FGF12: variants seen among roughly 807,000 people sequenced by gnomAD.
The protein encoded by FGF12 is fibroblast growth factor 12.
Under a neutral mutation model 23.6 loss-of-function variants are expected in FGF12, and 14 were observed. That is an observed-to-expected ratio of 0.59 (90% confidence interval 0.39 to 0.93). FGF12 has a LOEUF of 0.93. Among genes scored for constraint, FGF12 ranks in the 40% least tolerant of loss-of-function variants. FGF12 has a pLI of 0.00. For synonymous variants in FGF12, 62 were observed against 77.3 expected (o/e 0.80, Z 1.04); for missense variants, 175 against 217.8 (o/e 0.80, Z 1.24).
chr3:192,144,229 A>G, intron 5 of FGF12, 102 bp from the exon 6 acceptor site: 1 of 671,502 alleles, frequency 1.5e-6, no homozygotes, highest in South Asian at 1.9e-5. Flanking sequence ...TCTCATCACA[A>G]GCTCTTCTTC....
intron 4 of FGF12, among the ~76,000 whole-genome samples, chr3:192,224,773 TG>T (rs1454546821): frequency 6.6e-6 from 1 of 152,160 alleles, no homozygotes; most frequent in Non-Finnish European, 1.5e-5. Flanking sequence ...AACTCGAAAC[TG>T]AATGTTCTCA....
In FGF12 at chr3:192,220,735, A is replaced by G. The variant is rs975660253; in HGVS notation, c.229-50079T>C. On this transcript the variant is annotated intron_variant, in intron 4 of 5. Transcript: ENST00000445105. ...CTGTGCTAAGCTCTATATGACTGGT[A>G]AATATTGGTTCATTGAAAAGAAGCC... Among the ~76,000 whole-genome samples, 6 of 152,328 alleles carry G rather than the reference A, an allele frequency of 3.9e-5. No homozygotes were observed. In the South Asian group the frequency reaches 1.2e-3, roughly 32 times the overall value.
chr3:192,679,608 C>G (rs866909554), intron 2 of FGF12, among the ~76,000 whole-genome samples: 1 of 151,118 alleles, frequency 6.6e-6, no homozygotes, highest in African/African-American at 2.5e-5. Context: ...CCTTTCTCCT[C>G]ACCGTCCCCC....
At chr3:192,357,341 G>A (rs1314844264) in intron 3 of FGF12, among the ~76,000 whole-genome samples, 1 of 143,400 alleles carries the variant, frequency 7.0e-6, no homozygotes, top group East Asian at 2.1e-4. Context: ...AATTAGCTGG[G>A]TGTGGTGGCA....
chr3:192,527,121 G>T (rs1361171681), intron 2 of FGF12, among the ~76,000 whole-genome samples: 1 of 152,116 alleles, frequency 6.6e-6, no homozygotes, highest in African/African-American at 2.4e-5. Flanking sequence ...CATCAGAGTG[G>T]GGCCCTCACA....
chr3:192,324,157 A>T (rs1394458887), intron 4 of FGF12, among the ~76,000 whole-genome samples: 4 of 152,068 alleles, frequency 2.6e-5, no homozygotes, highest in Admixed American at 2.6e-4. Flanking sequence ...TATGCCTACC[A>T]CGTGCCCACA....
At chr3:192,609,683 C>A (rs1209040114) in intron 2 of FGF12, among the ~76,000 whole-genome samples, 2 of 152,070 alleles carry the variant, frequency 1.3e-5, no homozygotes, top group African/African-American at 2.4e-5. Context: ...GTTGTTATGG[C>A]CTCATATGTT....
At chr3:192,410,444 G>A (rs1721162498) in intron 2 of FGF12, among the ~76,000 whole-genome samples, 1 of 152,180 alleles carries the variant, frequency 6.6e-6, no homozygotes, top group Non-Finnish European at 1.5e-5. Flanking sequence ...CACAGTGGGA[G>A]TTAAAGGACC....
Position 192,139,419 on chromosome 3 carries a change from T to C in FGF12, c.*4590A>G, listed in dbSNP as rs1713241621. The C allele has an allele frequency of 1.3e-5, 2 of 152,138 alleles. No homozygotes were observed. Among genetic ancestry groups the C allele is most frequent in the South Asian group, 4.1e-4 (2 of 4,828 alleles). The allele number at this position is 152,138 out of a possible 1,614,324, so 9.4% of individuals were successfully genotyped here. A position where few individuals can be genotyped will look rare whatever the true frequency, so the allele number is the denominator to read the frequency against. ...AATAATCTGTGCTTTAATGGAAAAATGAAACATTAATTTGTTTAGTTTCTC... is the reference window on the plus strand; with the variant it reads ...AATAATCTGTGCTTTAATGGAAAAACGAAACATTAATTTGTTTAGTTTCTC... On this transcript the variant is annotated 3_prime_UTR_variant, in exon 6 of 6. Coordinates refer to ENST00000445105, the MANE Select transcript of FGF12 (RefSeq NM_004113.6).
At chr3:192,558,608 A>AAACAAC (rs746705886) in intron 2 of FGF12, among the ~76,000 whole-genome samples, 1 of 151,516 alleles carries the variant, frequency 6.6e-6, no homozygotes, top group African/African-American at 2.4e-5. Context: ...ACCAAAAAAT[A>AAACAAC]AACAACAACA....
intron 4 of FGF12, among the ~76,000 whole-genome samples, chr3:192,263,549 G>GA (rs35020572): frequency 0.026 from 3,599 of 140,294 alleles, 93 homozygotes; most frequent in African/African-American, 0.07. Context: ...AAAAAAGAGG[G>GA]AAAAAAAAAA....
At chr3:192,670,616 A>G (rs1226861909) in intron 2 of FGF12, among the ~76,000 whole-genome samples, 2 of 152,190 alleles carry the variant, frequency 1.3e-5, no homozygotes, top group Non-Finnish European at 2.9e-5. Context: ...GCCTTTCTAC[A>G]TATAATATGA....
chr3:192,444,666 G>A (rs73889333), intron 2 of FGF12, among the ~76,000 whole-genome samples: 86 of 152,298 alleles, frequency 5.6e-4, no homozygotes, highest in African/African-American at 2.0e-3. Context: ...TGCTTGCTAC[G>A]CACAGGAGGC....
At chr3:192,257,609 A>G (rs1276943806) in intron 4 of FGF12, among the ~76,000 whole-genome samples, 1 of 152,142 alleles carries the variant, frequency 6.6e-6, no homozygotes, top group Non-Finnish European at 1.5e-5. Context: ...CATCTATTTC[A>G]TGAAAAATAT....
intron 2 of FGF12, among the ~76,000 whole-genome samples, chr3:192,379,521 C>T (rs1306691615): frequency 2.0e-5 from 3 of 151,224 alleles, no homozygotes; most frequent in Admixed American, 6.6e-5. Context: ...ACATGAGGGA[C>T]ACTAAAAGAG....
At chr3:192,384,431 G>A (rs571087086) in intron 2 of FGF12, among the ~76,000 whole-genome samples, 7 of 152,302 alleles carry the variant, frequency 4.6e-5, no homozygotes, top group Admixed American at 4.6e-4. Flanking sequence ...ACGAAGGTGA[G>A]AGAGGATGAG....
intron 2 of FGF12, among the ~76,000 whole-genome samples, chr3:192,620,123 C>A (rs1714916269): frequency 6.6e-6 from 1 of 152,124 alleles, no homozygotes; most frequent in Admixed American, 6.5e-5. Flanking sequence ...TGTCAACACT[C>A]CATTTTTGCC....
At chr3:192,272,780 G>A (rs553357816) in intron 4 of FGF12, among the ~76,000 whole-genome samples, 1 of 152,248 alleles carries the variant, frequency 6.6e-6, no homozygotes, top group South Asian at 2.1e-4. Context: ...ACTGATCATA[G>A]CCATTGTAAA....
At chr3:192,649,193 C>G (rs1287408095) in intron 2 of FGF12, among the ~76,000 whole-genome samples, 1 of 152,162 alleles carries the variant, frequency 6.6e-6, no homozygotes, top group Admixed American at 6.5e-5. Context: ...AAATTCATTA[C>G]TGTGACCTGT....
Sources: allele counts gnomAD v4.1 joint callset (sites outside exome capture counted in the v4.1 genomes callset), GRCh38; gene constraint gnomAD v4.1.1; transcripts MANE v1.5; gene names NCBI Gene and HGNC (gene_info 2026-07-23, HGNC 2026-07-21).